The following PCK2 variants were observed in gnomAD, a reference collection of about 807,000 sequenced individuals.
The protein encoded by PCK2 is phosphoenolpyruvate carboxykinase [GTP], mitochondrial.
Under a neutral mutation model 65.9 loss-of-function variants are expected in PCK2, and 56 were observed. The observed-to-expected ratio is 0.85, with a 90% CI of 0.69 to 1.06. The LOEUF (loss-of-function observed/expected upper bound fraction) is 1.06. Among genes scored for constraint, PCK2 ranks in the 50% least tolerant of loss-of-function variants. The probability of loss-of-function intolerance (pLI) is 0.00; values close to 1 mark genes in which losing one functional copy is unlikely to be tolerated. For synonymous variants in PCK2, 305 were observed against 319.6 expected (o/e 0.95, Z 0.49); for missense variants, 843 against 863.1 (o/e 0.98, Z 0.29).
chr14:24,095,208 G>A (rs1489293628), intron 1 of PCK2: 1 of 455,972 alleles, frequency 2.2e-6, no homozygotes, highest in African/African-American at 2.0e-5. Flanking sequence ...GGCAGCCCTT[G>A]TGGGTGGTCT....
In PCK2 at chr14:24,103,885, C is replaced by A. The variant is rs549471476; in HGVS notation, c.1844C>A (p.Thr615Lys). 40 of 1,614,114 alleles carry A rather than the reference C, an allele frequency of 2.5e-5. No individual in the cohort carries two copies. The South Asian group carries it at 4.2e-4, about 17-fold the overall frequency. ...GTTCGTGACATTCGGAGCTACCTGA[C>A]AGAGCAGGTCAACCAGGATCTGCCC... Reference protein sequence around the residue: ...QEVRDIRSYLTEQVNQDLPKE... With the variant: ...QEVRDIRSYLKEQVNQDLPKE... Residue 615 changes from threonine to lysine, a missense_variant, in exon 10 of 10, where the codon ACA (threonine) becomes AAA (lysine). Transcript: ENST00000216780.
At chr14:24,094,285 T>G, upstream of PCK2, 5 of 989,940 alleles carry the variant, frequency 5.1e-6, no homozygotes, top group Non-Finnish European at 6.0e-6. The surrounding 1 kb of genome is among the most constrained non-coding windows in gnomAD (Gnocchi z 4.1). Flanking sequence ...CCCCTCCTTT[T>G]TAAGCGCCTC....
Position 24,099,239 on chromosome 14 carries a change from G to A in PCK2, c.852+3G>A. The A allele has an allele frequency of 6.3e-7, 1 of 1,589,556 alleles. No homozygotes were observed. Among genetic ancestry groups the A allele is most frequent in the Non-Finnish European group, 8.5e-7 (1 of 1,170,650 alleles). On this transcript the variant is annotated splice_donor_region_variant and intron_variant, in intron 5 of 9. Coordinates refer to ENST00000216780, the MANE Select transcript of PCK2 (RefSeq NM_004563.4). ...GCTGGCTGGCAGAGCACATGCTGGT[G>A]AGGGCCTGGTGAGAAGCAGGGCAGC...
chr14:24,099,167 G>A lies in PCK2; in HGVS notation c.783G>A (p.Lys261=), dbSNP rs535831655. 1.2e-6 allele frequency: 2 copies of A among 1,610,204 alleles called. No individual in the cohort carries two copies. Among genetic ancestry groups the A allele is most frequent in the Non-Finnish European group, 1.7e-6 (2 of 1,179,758 alleles). ...ATGGTGGCAACTCCCTGCTGGGCAA[G>A]AAGTGCTTTGCCCTACGCATCGCCT... ...SGYGGNSLLG[K]KCFALRIASR... Residue 261 remains lysine (K), a synonymous_variant, in exon 5 of 10, where the codon AAG becomes AAA. Coordinates refer to ENST00000216780, the MANE Select transcript of PCK2 (RefSeq NM_004563.4).
chr14:24,098,422 G>A lies in PCK2; in HGVS notation c.460+35G>A, dbSNP rs775049921. The A allele has an allele frequency of 1.7e-5, 27 of 1,612,284 alleles. 1 individual carries two copies. The South Asian group carries it at 3.0e-4, about 18-fold the overall frequency. ...GCAGGGGCACAGTGGCAAGGGCACGGAAGATGTGAACAGGTTTGGAACCCT... is the reference window on the plus strand; with the variant it reads ...GCAGGGGCACAGTGGCAAGGGCACGAAAGATGTGAACAGGTTTGGAACCCT... On this transcript the variant is annotated intron_variant, in intron 3 of 9. Coordinates refer to ENST00000216780, the MANE Select transcript of PCK2 (RefSeq NM_004563.4).
Position 24,098,397 on chromosome 14 carries a change from G to GCC in PCK2, c.460+11_460+12insCC. ...CCAGGCTGCATGCAGGGTAACCAGGGCAGGGGCACAGTGGCAAGGGCACGG... is the reference window on the plus strand; with the variant it reads ...CCAGGCTGCATGCAGGGTAACCAGGGCCCAGGGGCACAGTGGCAAGGGCACGG... On this transcript the variant is annotated intron_variant, in intron 3 of 9. Transcript: ENST00000216780. 6.2e-7 allele frequency: 1 copy of GCC among 1,611,088 alleles called. No homozygotes were observed. The highest frequency in any genetic ancestry group is 8.5e-7 in the Non-Finnish European group (1 of 1,177,484).
rs575194139 is a variant in PCK2 at position 24,097,238 on chromosome 14, C to T, written c.275+101C>T. Reference sequence around the variant, plus strand: ...AACTAGAACATCCCAATGGAATGAACAAGAATGAGAGCTTTGGGGTAAACA... The same window carrying T: ...AACTAGAACATCCCAATGGAATGAATAAGAATGAGAGCTTTGGGGTAAACA... On this transcript the variant is annotated intron_variant, in intron 2 of 9. Transcript: ENST00000216780. The T allele has an allele frequency of 1.3e-4, 139 of 1,107,832 alleles. 2 individuals carry two copies. The South Asian group carries it at 1.9e-3, about 15-fold the overall frequency. The allele number at this position is 1,107,832 out of a possible 1,614,324, so 68.6% of individuals were successfully genotyped here.
intron 2 of PCK2, among the ~76,000 whole-genome samples, chr14:24,097,581 G>GTT (rs1161322128): frequency 7.1e-5 from 8 of 113,008 alleles, no homozygotes; most frequent in African/African-American, 2.4e-4. Flanking sequence ...AAAAAAGAAA[G>GTT]AAACTGGGAT....
chr14:24,102,665 G>T, intron 7 of PCK2, 88 bp from the exon 8 acceptor site: 115 of 1,003,232 alleles, frequency 1.1e-4, no homozygotes, highest in Non-Finnish European at 1.6e-4. Context: ...AAAAAAAAAA[G>T]AACCCTGCAA....
chr14:24,103,164 AC>A lies in PCK2; in HGVS notation c.1381del (p.Leu461TrpfsTer56). On this transcript the variant is annotated frameshift_variant, in exon 9 of 10. Coordinates refer to ENST00000216780, the MANE Select transcript of PCK2 (RefSeq NM_004563.4). LOFTEE classifies it high-confidence loss of function. ...CTCTGTTCATTGGTGATCTAGGGGT[AC>A]CCCTGGTATACGAGGCCTTCAACTG... is the stretch of plus-strand genomic sequence containing the variant. ...IFGGRRPKGV[P>X]LVYEAFNWRH... 2 of 1,612,694 alleles carry A rather than the reference AC, an allele frequency of 1.2e-6. No individual in the cohort carries two copies. The highest frequency in any genetic ancestry group is 2.2e-5 in the South Asian group (2 of 91,026).
intron 1 of PCK2, among the ~76,000 whole-genome samples, chr14:24,096,582 A>G (rs1332511397): frequency 6.6e-6 from 1 of 152,148 alleles, no homozygotes; most frequent in Non-Finnish European, 1.5e-5. Context: ...AAACATGGGC[A>G]TGGGCTACAC....
chr14:24,103,416 T>A, intron 9 of PCK2, 94 bp from the exon 10 acceptor site: 1 of 1,254,334 alleles, frequency 8.0e-7, no homozygotes, highest in Non-Finnish European at 1.1e-6. Flanking sequence ...TTCAGAACCA[T>A]AAGCCTTTCA....
At chr14:24,101,498 G>A (rs2037160168) in intron 7 of PCK2, among the ~76,000 whole-genome samples, 1 of 152,206 alleles carries the variant, frequency 6.6e-6, no homozygotes, top group African/African-American at 2.4e-5. Context: ...GACACCTGAA[G>A]GTGCCAAGTG....
chr14:24,099,133 G>T lies in PCK2; in HGVS notation c.749G>T (p.Gly250Val), dbSNP rs2037038004. Residue 250 changes from glycine to valine, a missense_variant, in exon 5 of 10, where the codon GGC (glycine) becomes GTC (valine). Gly to Val is a moderately radical substitution (Grantham distance 109). Transcript: ENST00000216780. The part of the protein sequence containing the change: ...VPDQREIISF[G>V]SGYGGNSLLG... Reference sequence around the variant, plus strand: ...GACCAGCGGGAGATCATCTCCTTCGGCAGCGGCTATGGTGGCAACTCCCTG... The same window carrying T: ...GACCAGCGGGAGATCATCTCCTTCGTCAGCGGCTATGGTGGCAACTCCCTG... 6.2e-7 allele frequency: 1 copy of T among 1,612,166 alleles called. No individual in the cohort carries two copies.
Position 24,094,691 on chromosome 14 carries a change from A to G in PCK2, c.29+257A>G. ...TCTGACCGCGCGATCTCTATCTGCC[A>G]CTCTCAGAACTTCCTCTCTCTCCTC... On this transcript the variant is annotated intron_variant, in intron 1 of 9. Transcript: ENST00000216780. This position sits in a 1 kb window ranked among gnomAD's most constrained non-coding sequence, Gnocchi z 4.1. The G allele has an allele frequency of 6.6e-7, 1 of 1,519,404 alleles. No individual in the cohort carries two copies. Among genetic ancestry groups the G allele is most frequent in the East Asian group, 2.5e-5 (1 of 39,894 alleles). 94.1% of individuals were successfully genotyped at this position (1,519,404 alleles called of 1,614,324 possible).
chr14:24,095,206 T>C, intron 1 of PCK2: 1 of 456,068 alleles, frequency 2.2e-6, no homozygotes, highest in Non-Finnish European at 4.4e-6. Context: ...TGGGCAGCCC[T>C]TGTGGGTGGT....
rs201078063 is a variant in PCK2, at chr14:24,099,646, T to C, written c.941T>C (p.Met314Thr). ...SACGKTNLAM[M>T]RPALPGWKVE... ...TGTGGCAAGACCAACCTGGCTATGATGCGGCCTGCACTGCCAGGCTGGAAA... is the reference window on the plus strand; with the variant it reads ...TGTGGCAAGACCAACCTGGCTATGACGCGGCCTGCACTGCCAGGCTGGAAA... The change falls in exon 6 of 10, where the codon ATG becomes ACG. Residue 314 changes from methionine to threonine, a missense_variant. By Grantham distance (81) the Met-to-Thr change is moderately conservative (BLOSUM62 -1). Transcript: ENST00000216780. The C allele has an allele frequency of 8.9e-5, 143 of 1,613,976 alleles. No homozygotes were observed. Among genetic ancestry groups the C allele is most frequent in the Non-Finnish European group, 1.8e-5 (21 of 1,179,958 alleles).
At position 24,100,024 on chromosome 14, in the gene PCK2, G is replaced by A. The variant is rs752679058; in HGVS notation, c.1045G>A (p.Gly349Ser). The change falls in exon 7 of 10, where the codon GGC becomes AGC. Residue 349 changes from glycine (G) to serine (S), a missense_variant. Coordinates refer to ENST00000216780, the MANE Select transcript of PCK2 (RefSeq NM_004563.4). Reference sequence around the variant, plus strand: ...ACTCCGGGCCATCAACCCTGAGAACGGCTTCTTTGGGGTTGCCCCTGGTAC... The same window carrying A: ...ACTCCGGGCCATCAACCCTGAGAACAGCTTCTTTGGGGTTGCCCCTGGTAC... ...GRLRAINPEN[G>S]FFGVAPGTSA... 34 of 1,613,932 alleles carry A rather than the reference G, an allele frequency of 2.1e-5. No homozygotes were observed. Among genetic ancestry groups the A allele is most frequent in the Middle Eastern group, 1.6e-4 (1 of 6,084 alleles).
At chr14:24,098,796 A>G (rs1194739216) in intron 4 of PCK2, 118 bp downstream of exon 4, 1 of 876,792 alleles carries the variant, frequency 1.1e-6, no homozygotes, top group Non-Finnish European at 1.8e-6. Flanking sequence ...CCTAATTCCC[A>G]AGATCCAGAG....
Sources: gnomAD v4.1 joint callset for allele counts (sites outside exome capture counted in the v4.1 genomes callset) on GRCh38, gnomAD v4.1.1 for gene constraint, Gnocchi (gnomAD v3.1) non-coding constraint, MANE v1.5 for transcripts, NCBI Gene and HGNC (gene_info 2026-07-23, HGNC 2026-07-21) for gene names.